SEC23A: variants seen among roughly 807,000 people sequenced by gnomAD.
SEC23A encodes the protein protein transport protein Sec23A.
In SEC23A, 56 loss-of-function variants were observed where a neutral mutation model predicts 103.7. The ratio of observed to expected loss-of-function variants is 0.54; its 90% CI spans 0.44 to 0.67. The LOEUF (loss-of-function observed/expected upper bound fraction) is 0.67. Among genes scored for constraint, SEC23A ranks in the 30% least tolerant of loss-of-function variants. The pLI is 0.00. For synonymous variants in SEC23A, 281 were observed against 293.0 expected (o/e 0.96, Z 0.42); for missense variants, 784 against 936.4 (o/e 0.84, Z 2.12).
At chr14:39,057,636 C>T (rs541094309) in intron 13 of SEC23A, among the ~76,000 whole-genome samples, 49 of 152,206 alleles carry the variant, frequency 3.2e-4, no homozygotes, top group African/African-American at 1.0e-3. Flanking sequence ...CCAAAACACT[C>T]GGATTATAGG....
chr14:39,089,879 C>G (rs1199561520), intron 5 of SEC23A, among the ~76,000 whole-genome samples: 1 of 152,190 alleles, frequency 6.6e-6, no homozygotes, highest in African/African-American at 2.4e-5. Context: ...TAGCTTGAAC[C>G]CGGGAGGCGG....
intron 1 of SEC23A, among the ~76,000 whole-genome samples, chr14:39,098,788 T>A (rs1354235641): frequency 8.7e-5 from 13 of 149,622 alleles, no homozygotes; most frequent in South Asian, 2.1e-4. Flanking sequence ...AAAAAAAAAA[T>A]TTAATAAAAT....
At chr14:39,095,326 C>A (rs960875975) in intron 2 of SEC23A, among the ~76,000 whole-genome samples, 2 of 150,334 alleles carry the variant, frequency 1.3e-5, no homozygotes, top group Non-Finnish European at 3.0e-5. Context: ...GGCGGAGTCT[C>A]GCTCTGTCAC....
chr14:39,069,432 A>G (rs1376964926), intron 9 of SEC23A, among the ~76,000 whole-genome samples: 1 of 151,906 alleles, frequency 6.6e-6, no homozygotes, highest in Admixed American at 6.6e-5. Context: ...TCTCCTTGCT[A>G]TTTCTCAACA....
At chr14:39,074,038 C>T (rs1378677764) in intron 9 of SEC23A, among the ~76,000 whole-genome samples, 1 of 152,072 alleles carries the variant, frequency 6.6e-6, no homozygotes, top group Non-Finnish European at 1.5e-5. Flanking sequence ...TAGGGTAATG[C>T]AAATGTTCTA....
chr14:39,093,929 C>G (rs79372969), intron 2 of SEC23A, among the ~76,000 whole-genome samples: 7 of 151,828 alleles, frequency 4.6e-5, no homozygotes, highest in Non-Finnish European at 1.0e-4. Flanking sequence ...CTATTTTAGG[C>G]GCTGGTGATA....
chr14:39,043,001 G>T (rs1349259676), intron 16 of SEC23A, 129 bp from the exon 17 acceptor site: 1 of 653,128 alleles, frequency 1.5e-6, no homozygotes, highest in African/African-American at 1.9e-5. Flanking sequence ...TTTTGGAGAA[G>T]GGTCTTGCTC....
chr14:39,095,609 T>C (rs1169601749), intron 2 of SEC23A, among the ~76,000 whole-genome samples: 4 of 152,274 alleles, frequency 2.6e-5, no homozygotes, highest in South Asian at 2.1e-4. Context: ...TTATGACTTA[T>C]CTAATGATGC....
chr14:39,075,869 C>T, intron 8 of SEC23A, 66 bp downstream of exon 8: 1 of 1,370,902 alleles, frequency 7.3e-7, no homozygotes, highest in East Asian at 2.3e-5. Context: ...TATTTGTATT[C>T]TTCTTCTGCC....
intron 11 of SEC23A, 180 bp downstream of exon 11, chr14:39,064,732 CT>C: frequency 1.3e-5 from 8 of 623,644 alleles, no homozygotes; most frequent in Admixed American, 2.8e-5. Context: ...TTCGCTGTGT[CT>C]TTTTTTCTTT....
chr14:39,038,121 CT>C (rs1227986787), intron 19 of SEC23A, among the ~76,000 whole-genome samples: 2 of 152,208 alleles, frequency 1.3e-5, no homozygotes, highest in Non-Finnish European at 2.9e-5. Context: ...TTATGTTCTT[CT>C]AGTCAGCTCT....
At chr14:39,061,730 A>G in intron 13 of SEC23A, 35 bp downstream of exon 13, 1 of 1,426,296 alleles carries the variant, frequency 7.0e-7, no homozygotes, top group Non-Finnish European at 9.9e-7. Context: ...GATACCTGTG[A>G]TATGAAAATC....
intron 7 of SEC23A, among the ~76,000 whole-genome samples, chr14:39,084,147 G>A (rs968857302): frequency 1.3e-5 from 2 of 150,958 alleles, no homozygotes; most frequent in Non-Finnish European, 3.0e-5. Flanking sequence ...TCAGCCTCCC[G>A]AGTAGCTGGG....
Position 39,085,866 on chromosome 14 carries a change from CTG to C in SEC23A, c.722_723del (p.Thr241ArgfsTer64), listed in dbSNP as rs1361531662. ...QPVQKIDMNLTDLLGELQRDP... is the reference protein window; with the variant it reads ...QPVQKIDMNLXDLLGELQRDP... ...TCTCGCTGGAGTTCTCCCAGAAGAT[CTG>C]TGAGATTCATGTCTATTTTCTGTAC... On this transcript the variant is annotated frameshift_variant, in exon 7 of 20. Coordinates refer to ENST00000307712, the MANE Select transcript of SEC23A (RefSeq NM_006364.4). LOFTEE classifies it high-confidence loss of function. 1 of 1,613,762 alleles carries C rather than the reference CTG, an allele frequency of 6.2e-7. No individual in the cohort carries two copies. The highest frequency in any genetic ancestry group is 8.5e-7 in the Non-Finnish European group (1 of 1,179,692).
At chr14:39,089,224 T>C (rs975860287) in intron 5 of SEC23A, among the ~76,000 whole-genome samples, 3 of 151,566 alleles carry the variant, frequency 2.0e-5, no homozygotes, top group African/African-American at 7.3e-5. Flanking sequence ...ATATGCATTA[T>C]ATAAGTAAAA....
At chr14:39,043,540 T>C (rs75656318) in intron 16 of SEC23A, among the ~76,000 whole-genome samples, 2,219 of 152,226 alleles carry the variant, frequency 0.015, 64 homozygotes, top group African/African-American at 0.05. Flanking sequence ...TCTGAACTGA[T>C]GACATAAATC....
At chr14:39,094,397 CATATATATATATATATATAT>C (rs1242407974) in intron 2 of SEC23A, among the ~76,000 whole-genome samples, 3 of 7,910 alleles carry the variant, frequency 3.8e-4, no homozygotes, top group East Asian at 8.5e-3. Context: ...CACACACACA[CATATATATATATATATATAT>C]ATATATATAT....
chr14:39,101,532 A>T (rs1888095078), intron 1 of SEC23A, among the ~76,000 whole-genome samples: 1 of 151,678 alleles, frequency 6.6e-6, no homozygotes, highest in Non-Finnish European at 1.5e-5. Context: ...ACAGGAGAAT[A>T]GCTTAGCTTG....
At position 39,033,291 on chromosome 14, in the gene SEC23A, AAACT is replaced by A; in HGVS notation, c.2242_2245del (p.Ser748TyrfsTer8). 1 of 1,613,350 alleles carries A rather than the reference AAACT, an allele frequency of 6.2e-7. No individual in the cohort carries two copies. Among genetic ancestry groups the A allele is most frequent in the Non-Finnish European group, 8.5e-7 (1 of 1,179,402 alleles). On this transcript the variant is annotated frameshift_variant, in exon 20 of 20. Transcript: ENST00000307712. LOFTEE classifies it high-confidence loss of function. ...CTTCAAGTGATCCATAAACACTTGT[AAACT>A]AACATCATCTGTAAGAATAGGTGCT...
Sources: allele counts gnomAD v4.1 joint callset (sites outside exome capture counted in the v4.1 genomes callset), GRCh38; gene constraint gnomAD v4.1.1; transcripts MANE v1.5; gene names NCBI Gene and HGNC (gene_info 2026-07-23, HGNC 2026-07-21).